The following DGKI variants were observed in gnomAD, a reference collection of about 807,000 sequenced individuals.
DGKI encodes the protein DAG kinase iota.
DGKI carries 55 observed loss-of-function variants against 147.5 expected under a neutral mutation model. The observed-to-expected ratio is 0.37, with a 90% CI of 0.30 to 0.47. DGKI has a LOEUF of 0.47. DGKI is among the 20% of genes least tolerant of loss of function. DGKI has a pLI of 1.00. For synonymous variants in DGKI, 469 were observed against 477.1 expected, an observed-to-expected ratio of 0.98 and a Z score of 0.22; for missense variants, 1,007 against 1,323.8, an observed-to-expected ratio of 0.76 and a Z score of 3.71.
chr7:137,728,273 C>T (rs1276702865), intron 1 of DGKI, among the ~76,000 whole-genome samples: 10 of 152,132 alleles, frequency 6.6e-5, no homozygotes, highest in Non-Finnish European at 4.4e-5. Context: ...GTCCTCCTGG[C>T]TGAAGGCACA....
At chr7:137,623,289 C>G (rs1749072907) in intron 7 of DGKI, among the ~76,000 whole-genome samples, 194 bp downstream of exon 7, 1 of 152,202 alleles carries the variant, frequency 6.6e-6, no homozygotes. Flanking sequence ...ATTTATCTCT[C>G]TAGTGTATCC....
chr7:137,727,134 T>A (rs938733703), intron 1 of DGKI, among the ~76,000 whole-genome samples: 12 of 152,094 alleles, frequency 7.9e-5, no homozygotes, highest in African/African-American at 2.7e-4. Flanking sequence ...GAAATAAGTA[T>A]TTTTTTCCTT....
At chr7:137,463,695 C>A in intron 26 of DGKI, 84 bp from the exon 27 acceptor site, 2 of 1,522,678 alleles carry the variant, frequency 1.3e-6, no homozygotes, top group Non-Finnish European at 1.8e-6. Flanking sequence ...ATGAATCTTG[C>A]CAGTAAATGT....
At chr7:137,564,897 T>C (rs1723088) in intron 19 of DGKI, among the ~76,000 whole-genome samples, 16,674 of 152,260 alleles carry the variant, frequency 0.11, 2,061 homozygotes, top group African/African-American at 0.3. Flanking sequence ...GCGGGGCTCC[T>C]ACCGCCCCCA....
intron 10 of DGKI, among the ~76,000 whole-genome samples, chr7:137,607,842 C>T (rs1247168403): frequency 6.6e-6 from 1 of 152,144 alleles, no homozygotes; most frequent in Non-Finnish European, 1.5e-5. Flanking sequence ...CTCAGCAACT[C>T]AAAAATGCAG....
Position 137,717,920 on chromosome 7 carries a change from T to C in DGKI, c.402-27918A>G, listed in dbSNP as rs374214870. Among the ~76,000 whole-genome samples, 11 of 152,318 alleles carry C rather than the reference T, an allele frequency of 7.2e-5. No individual in the cohort carries two copies. The South Asian group carries it at 1.0e-3, about 14-fold the overall frequency. ...TTTAAACTTCCTTTTAGAATCCTTG[T>C]TGCAAATTACACAACCCACCCAGCG... On this transcript the variant is annotated intron_variant, in intron 1 of 32. Transcript: ENST00000614521.
intron 1 of DGKI, among the ~76,000 whole-genome samples, chr7:137,803,808 T>C (rs1364995676): frequency 2.0e-5 from 3 of 152,224 alleles, no homozygotes; most frequent in African/African-American, 7.2e-5. Context: ...TAAACGGACA[T>C]TGGAACACAG....
Position 137,772,297 on chromosome 7 carries a change from T to C in DGKI, c.401+74165A>G, listed in dbSNP as rs1234120378. On this transcript the variant is annotated intron_variant, in intron 1 of 32. Transcript: ENST00000614521. ...GCTACCTCTCTCTTAGCCAGCATCATGTTATTTAAATATTATCTGCTTTTG... is the reference window on the plus strand; with the variant it reads ...GCTACCTCTCTCTTAGCCAGCATCACGTTATTTAAATATTATCTGCTTTTG... The C allele has an allele frequency of 4.6e-5, 7 of 152,284 alleles. No individual in the cohort carries two copies. The East Asian group carries it at 1.3e-3, about 29-fold the overall frequency. 9.4% of individuals were successfully genotyped at this position (152,284 alleles called of 1,614,324 possible). A position where few individuals can be genotyped will look rare whatever the true frequency, so the allele number is the denominator to read the frequency against.
intron 30 of DGKI, 93 bp downstream of exon 30, chr7:137,407,782 A>G: frequency 1.3e-6 from 2 of 1,526,396 alleles, no homozygotes; most frequent in South Asian, 2.5e-5. Context: ...TGCCATTCTG[A>G]AAACTGCCTG....
intron 3 of DGKI, among the ~76,000 whole-genome samples, chr7:137,662,673 T>C (rs532718550): frequency 1.3e-5 from 2 of 151,616 alleles, no homozygotes; most frequent in Non-Finnish European, 2.9e-5. Flanking sequence ...AACTCAGACC[T>C]CTCCTTAGAG....
At chr7:137,819,342 C>G (rs1270595242) in intron 1 of DGKI, among the ~76,000 whole-genome samples, 1 of 148,712 alleles carries the variant, frequency 6.7e-6, no homozygotes, top group Non-Finnish European at 1.5e-5. Flanking sequence ...GACAGAGTCT[C>G]GCTCTGTCGC....
chr7:137,406,001 T>C (rs115968898), intron 30 of DGKI, among the ~76,000 whole-genome samples: 2,936 of 149,870 alleles, frequency 0.02, 94 homozygotes, highest in African/African-American at 0.067. Flanking sequence ...GGTGGGGGGG[T>C]GTGGAGAGAG....
rs943370214 is a variant in DGKI, at chr7:137,645,376, G to A, written c.804+96C>T. Reference sequence around the variant, plus strand: ...GGTCTTTCAGAAAGGAACTGATGCAGTGAACACTGGATTTGGGGACAGGAC... The same window carrying A: ...GGTCTTTCAGAAAGGAACTGATGCAATGAACACTGGATTTGGGGACAGGAC... On this transcript the variant is annotated intron_variant, in intron 6 of 32. Coordinates refer to ENST00000614521, the MANE Select transcript of DGKI (RefSeq NM_001321708.2). 25 of 1,021,326 alleles carry A rather than the reference G, an allele frequency of 2.4e-5. No homozygotes were observed. The African/African-American group carries it at 3.9e-4, about 16-fold the overall frequency. 63.3% of individuals were successfully genotyped at this position (1,021,326 alleles called of 1,614,324 possible).
At position 137,825,685 on chromosome 7, in the gene DGKI, TAC is replaced by T. The variant is rs547568451; in HGVS notation, c.401+20775_401+20776del. Among the ~76,000 whole-genome samples the T allele has an allele frequency of 2.5e-3, 372 of 149,200 alleles. 3 individuals carry two copies. Among genetic ancestry groups the T allele is most frequent in the African/African-American group, 8.5e-3 (343 of 40,404 alleles). ...ACATACACACACTCACACACACACA[TAC>T]ACACACACATACACATACACTCACA... is the stretch of plus-strand genomic sequence containing the variant. On this transcript the variant is annotated intron_variant, in intron 1 of 32. Transcript: ENST00000614521.
chr7:137,391,019 C>T lies in DGKI; in HGVS notation c.*201G>A. 1 of 572,602 alleles carries T rather than the reference C, an allele frequency of 1.7e-6. No individual in the cohort carries two copies. Among genetic ancestry groups the T allele is most frequent in the Non-Finnish European group, 3.1e-6 (1 of 323,200 alleles). 35.5% of individuals were successfully genotyped at this position (572,602 alleles called of 1,614,324 possible). On this transcript the variant is annotated 3_prime_UTR_variant, in exon 33 of 33. Coordinates refer to ENST00000614521, the MANE Select transcript of DGKI (RefSeq NM_001321708.2). Reference sequence around the variant, plus strand: ...CTGTATTCCACAAATCTCCAGGTATCCTGCCTCCTTCTCAATGGGCTATCA... The same window carrying T: ...CTGTATTCCACAAATCTCCAGGTATTCTGCCTCCTTCTCAATGGGCTATCA...
intron 1 of DGKI, among the ~76,000 whole-genome samples, chr7:137,727,231 T>C (rs1425736380): frequency 1.3e-5 from 2 of 152,084 alleles, no homozygotes; most frequent in Non-Finnish European, 2.9e-5. Context: ...CTTTCCTAAA[T>C]AAACAGGGAA....
At chr7:137,444,029 G>T in intron 28 of DGKI, 48 bp downstream of exon 28, 2 of 1,499,310 alleles carry the variant, frequency 1.3e-6, no homozygotes, top group East Asian at 2.4e-5. Flanking sequence ...AAGACCAGGG[G>T]TCAAGTTTCA....
At chr7:137,565,062 T>C (rs1818539109) in intron 19 of DGKI, among the ~76,000 whole-genome samples, 2 of 152,262 alleles carry the variant, frequency 1.3e-5, no homozygotes, top group African/African-American at 4.8e-5. Flanking sequence ...CTTATGTCAT[T>C]GTAATTTCCT....
At chr7:137,434,130 AAAAAGT>A (rs1475405647) in intron 28 of DGKI, among the ~76,000 whole-genome samples, 1 of 151,946 alleles carries the variant, frequency 6.6e-6, no homozygotes, top group Admixed American at 6.6e-5. Flanking sequence ...AAAAAAAAAA[AAAAAGT>A]AAACTAGGAC....
Sources: allele counts gnomAD v4.1 joint callset (sites outside exome capture counted in the v4.1 genomes callset), GRCh38; gene constraint gnomAD v4.1.1; transcripts MANE v1.5; gene names NCBI Gene and HGNC (gene_info 2026-07-23, HGNC 2026-07-21).